The following MIER1 variants were observed in gnomAD, a reference collection of about 807,000 sequenced individuals.
The protein encoded by MIER1 is mesoderm induction early response protein 1.
In MIER1, 40 loss-of-function variants were observed where a neutral mutation model predicts 75.7. The observed-to-expected ratio is 0.53, with a 90% CI of 0.41 to 0.69. The LOEUF is 0.69. Ranked by LOEUF, MIER1 falls within the 30% of genes least tolerant of loss-of-function variation. MIER1 has a pLI of 0.00. For synonymous variants in MIER1, 213 were observed against 223.4 expected, an observed-to-expected ratio of 0.95 and a Z score of 0.42; for missense variants, 574 against 680.2, an observed-to-expected ratio of 0.84 and a Z score of 1.74.
intron 7 of MIER1, among the ~76,000 whole-genome samples, chr1:66,960,272 G>GAAA (rs1281812346): frequency 6.6e-6 from 1 of 152,016 alleles, no homozygotes; most frequent in African/African-American, 2.4e-5. Context: ...CTTTATAAAA[G>GAAA]AAAAACTCTC....
intron 2 of MIER1, among the ~76,000 whole-genome samples, chr1:66,935,130 G>A (rs1243429932): frequency 1.3e-5 from 2 of 152,048 alleles, no homozygotes; most frequent in Non-Finnish European, 2.9e-5. Context: ...GGTTTTTTTG[G>A]TGAAAATAAT....
At chr1:66,946,426 T>G (rs1657654915) in intron 4 of MIER1, 131 bp downstream of exon 4, 2 of 1,385,668 alleles carry the variant, frequency 1.4e-6, no homozygotes, top group Admixed American at 3.0e-5. Flanking sequence ...TTTTGTGTGA[T>G]CATAGGTGGG....
At chr1:66,930,215 C>T (rs1652785284) in intron 2 of MIER1, 68 of 1,382,120 alleles carry the variant, frequency 4.9e-5, no homozygotes, top group Non-Finnish European at 6.3e-5. Context: ...CGCGAGGGGG[C>T]GGAGTGGGGT....
At chr1:66,945,143 C>T (rs1161000554) in intron 3 of MIER1, among the ~76,000 whole-genome samples, 1 of 151,954 alleles carries the variant, frequency 6.6e-6, no homozygotes, top group Non-Finnish European at 1.5e-5. Context: ...AGTCATCCTT[C>T]GATACCTGTA....
Position 66,981,852 on chromosome 1 carries a change from G to T in MIER1, c.1303G>T (p.Ala435Ser). The change falls in exon 13 of 14, where the codon GCA (alanine) becomes TCA (serine). Residue 435 changes from alanine (A) to serine (S), a missense_variant. This residue lies in a region of MIER1 where 164 missense variants were observed against 154.3 expected (regional missense o/e 1.06). Transcript: ENST00000401041. Reference protein sequence around the residue: ...SSRAPSPPPTASNSSNSQSEK... With the variant: ...SSRAPSPPPTSSNSSNSQSEK... Reference sequence around the variant, plus strand: ...TCGAGCACCATCCCCTCCCCCAACTGCATCAAACAGTAGTAACAGCCAGTC... The same window carrying T: ...TCGAGCACCATCCCCTCCCCCAACTTCATCAAACAGTAGTAACAGCCAGTC... The T allele has an allele frequency of 1.2e-6, 2 of 1,613,936 alleles. No individual in the cohort carries two copies. Among genetic ancestry groups the T allele is most frequent in the Non-Finnish European group, 1.7e-6 (2 of 1,179,836 alleles).
At chr1:66,936,998 C>CAAAAAAAAAAA (rs751644771) in intron 2 of MIER1, among the ~76,000 whole-genome samples, 1 of 68,342 alleles carries the variant, frequency 1.5e-5, no homozygotes, top group Non-Finnish European at 2.6e-5. Flanking sequence ...GACTCCATCT[C>CAAAAAAAAAAA]AAAAAAAAAA....
chr1:66,951,940 C>G (rs1256855258), intron 4 of MIER1, among the ~76,000 whole-genome samples: 1 of 152,126 alleles, frequency 6.6e-6, no homozygotes, highest in Admixed American at 6.5e-5. Context: ...GTTCGTAATC[C>G]AGTTCTACTA....
intron 12 of MIER1, among the ~76,000 whole-genome samples, chr1:66,978,553 T>C (rs1665231493): frequency 6.6e-6 from 1 of 152,232 alleles, no homozygotes; most frequent in Non-Finnish European, 1.5e-5. Flanking sequence ...CATAATAATA[T>C]AGAATTAGAT....
chr1:66,930,315 G>A, intron 2 of MIER1: 1 of 1,587,714 alleles, frequency 6.3e-7, no homozygotes, highest in South Asian at 1.1e-5. Context: ...GAGTCCCGTT[G>A]CTGAGTCTCA....
chr1:66,959,658 T>C (rs1660855808), intron 6 of MIER1, 21 bp from the exon 7 acceptor site: 6 of 1,161,630 alleles, frequency 5.2e-6, no homozygotes, highest in Middle Eastern at 2.0e-4. Flanking sequence ...TTTTATAGTA[T>C]TGGTGTCTTA....
chr1:66,962,606 T>A (rs1168940481), intron 7 of MIER1, among the ~76,000 whole-genome samples: 2 of 152,064 alleles, frequency 1.3e-5, no homozygotes, highest in Non-Finnish European at 2.9e-5. Context: ...TGCTTGAGCC[T>A]GGGAGGTCGA....
intron 11 of MIER1, among the ~76,000 whole-genome samples, chr1:66,976,268 C>T (rs1057285675): frequency 1.3e-5 from 2 of 152,230 alleles, no homozygotes; most frequent in Admixed American, 6.5e-5. Context: ...TCCCAAAGTG[C>T]TGGGATTACA....
intron 2 of MIER1, among the ~76,000 whole-genome samples, chr1:66,927,682 A>C (rs1356912786): frequency 6.6e-6 from 1 of 152,184 alleles, no homozygotes; most frequent in Non-Finnish European, 1.5e-5. Flanking sequence ...AGATTCTGGC[A>C]TAATAAAAGA....
chr1:66,946,041 T>C, intron 3 of MIER1, 109 bp from the exon 4 acceptor site: 1 of 1,032,880 alleles, frequency 9.7e-7, no homozygotes, highest in Non-Finnish European at 1.4e-6. Flanking sequence ...GCGTAGCTTT[T>C]TCTTGGTACT....
At chr1:66,946,102 G>T in intron 3 of MIER1, 48 bp from the exon 4 acceptor site, 1 of 1,538,194 alleles carries the variant, frequency 6.5e-7, no homozygotes, top group Non-Finnish European at 8.7e-7. Flanking sequence ...ATATTAATAA[G>T]ATCCACTTAA....
chr1:66,976,464 T>G (rs950535832), intron 11 of MIER1, 131 bp from the exon 12 acceptor site: 5 of 657,900 alleles, frequency 7.6e-6, no homozygotes, highest in Non-Finnish European at 1.2e-5. Context: ...GCTGCTACAC[T>G]GTTGTATGTT....
At chr1:66,972,765 A>G in intron 10 of MIER1, 132 bp from the exon 11 acceptor site, 1 of 546,638 alleles carries the variant, frequency 1.8e-6, no homozygotes, top group South Asian at 2.6e-5. Flanking sequence ...CTTTTGCAAC[A>G]ATTAGTAATA....
intron 3 of MIER1, 30 bp downstream of exon 3, chr1:66,940,082 C>T (rs1209350442): frequency 2.6e-6 from 4 of 1,545,496 alleles, no homozygotes; most frequent in East Asian, 2.3e-5. Context: ...TTTATAATCT[C>T]GATTTGAGTA....
intron 2 of MIER1, 64 bp downstream of exon 2, chr1:66,926,306 A>C: frequency 2.5e-6 from 3 of 1,207,020 alleles, no homozygotes; most frequent in Non-Finnish European, 3.7e-6. Flanking sequence ...GTAATATAAG[A>C]TTATATTACT....
Sources: allele counts gnomAD v4.1 joint callset (sites outside exome capture counted in the v4.1 genomes callset), GRCh38; gene constraint gnomAD v4.1.1; regional missense constraint gnomAD v4.1.1; transcripts MANE v1.5; gene names NCBI Gene and HGNC (gene_info 2026-07-23, HGNC 2026-07-21).